The following KLF8 variants were observed in gnomAD, a reference collection of about 807,000 sequenced individuals.
The protein encoded by KLF8 is KLF transcription factor 8.
KLF8 carries 10 observed loss-of-function variants against 18.2 expected under a neutral mutation model. That is an observed-to-expected ratio of 0.55 (90% CI 0.34 to 0.93). The LOEUF (loss-of-function observed/expected upper bound fraction) is 0.93. KLF8 is among the 40% of genes least tolerant of loss of function. The probability of loss-of-function intolerance (pLI) is 0.02; values close to 1 mark genes in which losing one functional copy is unlikely to be tolerated. For synonymous variants in KLF8, 109 were observed against 97.3 expected (o/e 1.12, Z -0.71); for missense variants, 264 against 277.9 (o/e 0.95, Z 0.36).
chrX:56,188,779 G>A, the KLF8 span, among the ~76,000 whole-genome samples: 11 of 111,918 alleles, frequency 9.8e-5, no homozygotes, highest in East Asian at 1.7e-3. Flanking sequence ...AAAGAATTCC[G>A]TATTTAACAA....
At chrX:56,143,217 AT>A in the KLF8 span, among the ~76,000 whole-genome samples, 1 of 111,273 alleles carries the variant, frequency 9.0e-6, no homozygotes, top group African/African-American at 3.3e-5. Flanking sequence ...GGCCCCTTTC[AT>A]TAGTTATTCC....
chrX:56,244,765 T>C (rs779252491), intron 1 of KLF8, among the ~76,000 whole-genome samples: 9 of 112,486 alleles, frequency 8.0e-5, no homozygotes, highest in Non-Finnish European at 1.1e-4. Flanking sequence ...TGAAAATAAA[T>C]GTGTACTGTA....
chrX:56,242,834 A>G, intron 1 of KLF8: 1 of 288,293 alleles, frequency 3.5e-6, no homozygotes, highest in South Asian at 4.0e-5. Flanking sequence ...CTCTCATTCC[A>G]GGTAAGCTAA....
the KLF8 span, among the ~76,000 whole-genome samples, chrX:55,982,139 T>C: frequency 9.0e-6 from 1 of 111,284 alleles, no homozygotes; most frequent in Non-Finnish European, 1.9e-5. Flanking sequence ...GTAGAGATAC[T>C]CTCCAGGAAT....
chrX:56,275,546 G>A (rs1485227804), intron 5 of KLF8, among the ~76,000 whole-genome samples: 1 of 111,315 alleles, frequency 9.0e-6, no homozygotes, highest in Non-Finnish European at 1.9e-5. Context: ...GTTGAATAAA[G>A]GTGAAATTGG....
Position 56,290,218 on chromosome X carries a change from G to A in KLF8, c.*5724G>A, listed in dbSNP as rs2067308753. Among the ~76,000 whole-genome samples the A allele has an allele frequency of 9.0e-6, 1 of 111,658 alleles. No individual in the cohort carries two copies. On this transcript the variant is annotated 3_prime_UTR_variant, in exon 6 of 6. Coordinates refer to ENST00000468660, the MANE Select transcript of KLF8 (RefSeq NM_007250.5). ...TCTCTGTGCCTCAATTAATCCATTT[G>A]CAAAATGGGGATCTCAATATCTACC...
chrX:56,050,345 T>A, the KLF8 span, among the ~76,000 whole-genome samples: 2 of 112,075 alleles, frequency 1.8e-5, no homozygotes, highest in African/African-American at 6.5e-5. Context: ...TTCTAGTTCT[T>A]TTAATTGTGA....
At chrX:56,147,701 G>C in the KLF8 span, among the ~76,000 whole-genome samples, 1 of 111,996 alleles carries the variant, frequency 8.9e-6, no homozygotes, top group Non-Finnish European at 1.9e-5. Flanking sequence ...ATAGAATGCC[G>C]AGCATGGTGG....
At chrX:56,092,529 C>T in the KLF8 span, among the ~76,000 whole-genome samples, 1 of 111,218 alleles carries the variant, frequency 9.0e-6, no homozygotes. Context: ...TTCCCAGCAC[C>T]ACTTATTTAA....
the KLF8 span, among the ~76,000 whole-genome samples, chrX:56,160,726 G>A: frequency 9.1e-6 from 1 of 110,432 alleles, no homozygotes; most frequent in African/African-American, 3.3e-5. Context: ...GCCTTTTTTT[G>A]TTTTCCATTT....
the KLF8 span, among the ~76,000 whole-genome samples, chrX:56,108,789 T>C: frequency 3.6e-5 from 4 of 111,991 alleles, no homozygotes; most frequent in Middle Eastern, 4.7e-3. Flanking sequence ...GTGTTATTGA[T>C]TTGAGAAGTT....
the KLF8 span, among the ~76,000 whole-genome samples, chrX:56,077,464 T>C: frequency 1.8e-5 from 2 of 111,678 alleles, no homozygotes; most frequent in African/African-American, 6.5e-5. Flanking sequence ...ACATGCAGCA[T>C]TGTTTCTGAG....
the KLF8 span, among the ~76,000 whole-genome samples, chrX:56,181,795 C>A: frequency 8.5e-5 from 9 of 105,634 alleles, no homozygotes; most frequent in East Asian, 9.0e-4. Context: ...TTGCTCCCCC[C>A]CCTTCTGGCT....
the KLF8 span, among the ~76,000 whole-genome samples, chrX:56,056,875 C>T: frequency 9.3e-6 from 1 of 107,639 alleles, no homozygotes; most frequent in Non-Finnish European, 1.9e-5. Context: ...CACTGAGGGG[C>T]CAAGGTGCTC....
At chrX:55,924,849 C>CTTTTTTTTTTTTTTTTTT in the KLF8 span, among the ~76,000 whole-genome samples, 2 of 42,937 alleles carry the variant, frequency 4.7e-5, no homozygotes, top group Non-Finnish European at 7.6e-5. Context: ...TTGTTTTTTG[C>CTTTTTTTTTTTTTTTTTT]TTTTTTTTTT....
chrX:56,021,431 AT>A, the KLF8 span, among the ~76,000 whole-genome samples: 484 of 111,332 alleles, frequency 4.3e-3, 1 homozygote, highest in African/African-American at 0.015. Context: ...AGCTGTATGA[AT>A]TTTTTTGTAA....
chrX:55,961,640 A>T, the KLF8 span: 1 of 417,509 alleles, frequency 2.4e-6, no homozygotes, highest in African/African-American at 2.5e-5. Flanking sequence ...TGTTTTCTGC[A>T]AAGATTTTTT....
At chrX:56,219,482 G>T in the KLF8 span, among the ~76,000 whole-genome samples, 1 of 111,952 alleles carries the variant, frequency 8.9e-6, no homozygotes, top group Non-Finnish European at 1.9e-5. Context: ...CGCCAGGCTT[G>T]TTTCTTGACC....
At chrX:56,072,813 A>G in the KLF8 span, among the ~76,000 whole-genome samples, 1 of 111,472 alleles carries the variant, frequency 9.0e-6, no homozygotes, top group Non-Finnish European at 1.9e-5. Flanking sequence ...AATGCTTTTA[A>G]TCATCCCAAG....
Sources: gnomAD v4.1 joint callset for allele counts (sites outside exome capture counted in the v4.1 genomes callset) on GRCh38, gnomAD v4.1.1 for gene constraint, MANE v1.5 for transcripts, NCBI Gene and HGNC (gene_info 2026-07-23, HGNC 2026-07-21) for gene names.